SLC26A1: variants seen among roughly 807,000 people sequenced by gnomAD.
The protein encoded by SLC26A1 is solute carrier family 26 member 1.
A neutral mutation model predicts 14.5 loss-of-function variants in SLC26A1; 18 were observed. The ratio of observed to expected loss-of-function variants is 1.24; its 90% confidence interval spans 0.86 to 1.84. The LOEUF is 1.84. Ranked by LOEUF, SLC26A1 falls within the 40% of genes most tolerant of loss-of-function variation. The pLI, the probability that SLC26A1 is intolerant of heterozygous loss-of-function variation, is 0.00. For missense variants in SLC26A1, 1,049 were observed against 1,020.0 expected (o/e 1.03, Z -0.39); for synonymous variants, 505 against 492.0 (o/e 1.03, Z -0.35).
chr4:987,947 C>A lies in SLC26A1; in HGVS notation c.*886G>T. ...ACTGGCTGCTGGAGCTTGTCACCAC[C>A]AGGTGGGCGGCGGGCAGGGTCTGGG... On this transcript the variant is annotated 3_prime_UTR_variant, in exon 3 of 3. Coordinates refer to ENST00000398516, the MANE Select transcript of SLC26A1 (RefSeq NM_022042.4). The A allele has an allele frequency of 3.2e-6, 5 of 1,575,726 alleles. No individual in the cohort carries two copies. The highest frequency in any genetic ancestry group is 4.3e-6 in the Non-Finnish European group (5 of 1,160,870).
At chr4:980,956 C>G (rs900951805) in intron 2 of SLC26A1, among the ~76,000 whole-genome samples, 1 of 152,160 alleles carries the variant, frequency 6.6e-6, no homozygotes, top group Non-Finnish European at 1.5e-5. Flanking sequence ...GGGTGCCTCA[C>G]GGCGGGTTTT....
chr4:979,345 G>C lies in SLC26A1; in HGVS notation c.*61C>G, dbSNP rs560994508. ...AATAAGCTGTATCCACCGGCTTCTC[G>C]TGAGGCTGGTGTGAGGGTCCCGCAT... is the stretch of plus-strand genomic sequence containing the variant. On this transcript the variant is annotated 3_prime_UTR_variant, in exon 3 of 3. Coordinates refer to the SLC26A1 transcript ENST00000398520. 120 of 977,064 alleles carry C rather than the reference G, an allele frequency of 1.2e-4. No individual in the cohort carries two copies. The Middle Eastern group carries it at 2.7e-3, about 22-fold the overall frequency. 60.5% of individuals were successfully genotyped at this position (977,064 alleles called of 1,614,324 possible).
chr4:991,748 G>T lies in SLC26A1; in HGVS notation c.-27-18C>A. ...TGGCCGACCTGCGGCCGAGAAGAGG[G>T]CATGGTCACAGGAGCCCCCGGATCC... is the stretch of plus-strand genomic sequence containing the variant. On this transcript the variant is annotated intron_variant, in intron 1 of 2. Transcript: ENST00000398516. 6.5e-7 allele frequency: 1 copy of T among 1,532,338 alleles called. No individual in the cohort carries two copies. Among genetic ancestry groups the T allele is most frequent in the Non-Finnish European group, 8.7e-7 (1 of 1,145,374 alleles). 94.9% of individuals were successfully genotyped at this position (1,532,338 alleles called of 1,614,324 possible).
At chr4:980,172 C>T (rs111675180) in intron 2 of SLC26A1, among the ~76,000 whole-genome samples, 33 of 152,308 alleles carry the variant, frequency 2.2e-4, no homozygotes, top group African/African-American at 6.3e-4. Context: ...GCCAGGACCT[C>T]GCCCTGGGGT....
rs542658522 is a variant in SLC26A1, at chr4:989,090, C to G, written c.1849G>C (p.Ala617Pro). The G allele has an allele frequency of 1.9e-6, 3 of 1,599,296 alleles. No homozygotes were observed. The Admixed American group carries it at 5.1e-5, about 27-fold the overall frequency. Reference protein sequence around the residue: ...AGFHTVVIDCAPLLFLDAAGV... With the variant: ...AGFHTVVIDCPPLLFLDAAGV... ...GCTGCGTCTAGGAACAGCAGCGGGG[C>G]GCAGTCGATGACCACTGTGTGGAAG... The change falls in exon 3 of 3, where the codon GCC (alanine) becomes CCC (proline). Residue 617 changes from alanine to proline, a missense_variant. Physicochemically the swap from Ala to Pro is conservative, Grantham distance 27. Coordinates refer to ENST00000398516, the MANE Select transcript of SLC26A1 (RefSeq NM_022042.4).
rs759849461 is a variant in SLC26A1, at chr4:988,801, G to A, written c.*32C>T. 116 of 1,513,562 alleles carry A rather than the reference G, an allele frequency of 7.7e-5. No homozygotes were observed. Among genetic ancestry groups the A allele is most frequent in the Non-Finnish European group, 9.8e-5 (111 of 1,130,416 alleles). The allele number at this position is 1,513,562 out of a possible 1,614,324, so 93.8% of individuals were successfully genotyped here. On this transcript the variant is annotated 3_prime_UTR_variant, in exon 3 of 3. Transcript: ENST00000398516. ...GACGTCTGCTGTGGGTCCCCAGGAG[G>A]GAGCAGAGGCTGCTGGGCAGGCCTG...
Position 989,714 on chromosome 4 carries a change from C to T in SLC26A1, c.1225G>A (p.Gly409Ser), listed in dbSNP as rs747534272. The T allele has an allele frequency of 1.0e-5, 16 of 1,558,694 alleles. No homozygotes were observed. Among genetic ancestry groups the T allele is most frequent in the Admixed American group, 1.9e-5 (1 of 51,638 alleles). ...ACGCTGGACAGCTGTGTCCGGCAGC[C>T]AGTGGCTGTCTTCACCAGGCTCTTG... Reference protein sequence around the residue: ...LAKSLVKTATGCRTQLSSVVS... With the variant: ...LAKSLVKTATSCRTQLSSVVS... The change falls in exon 3 of 3, where the codon GGC (glycine) becomes AGC (serine). Residue 409 changes from glycine (G) to serine (S), a missense_variant. By Grantham distance (56) the Gly-to-Ser change is moderately conservative (BLOSUM62 0). Transcript: ENST00000398516.
At chr4:987,466 C>T (rs1401998052), downstream of SLC26A1, among the ~76,000 whole-genome samples, 1 of 152,212 alleles carries the variant, frequency 6.6e-6, no homozygotes, top group Non-Finnish European at 1.5e-5. Context: ...GCCCGGGATC[C>T]TGCTCTTTGA....
In SLC26A1 at chr4:988,437, G is replaced by A. The variant is rs1713923170; in HGVS notation, c.*396C>T. ...CCAGAGCCGCTGGCTCCTACCAGCA[G>A]GGTGGGCACCGGGCAGGCCTGGGCA... On this transcript the variant is annotated 3_prime_UTR_variant, in exon 3 of 3. Coordinates refer to ENST00000398516, the MANE Select transcript of SLC26A1 (RefSeq NM_022042.4). 1.9e-6 allele frequency: 2 copies of A among 1,072,738 alleles called. No homozygotes were observed. Among genetic ancestry groups the A allele is most frequent in the South Asian group, 3.6e-5 (1 of 27,950 alleles). 66.5% of individuals were successfully genotyped at this position (1,072,738 alleles called of 1,614,324 possible). A position where few individuals can be genotyped will look rare whatever the true frequency, so the allele number is the denominator to read the frequency against.
At position 988,923 on chromosome 4, in the gene SLC26A1, C is replaced by T; in HGVS notation, c.2016G>A (p.Glu672=). The change falls in exon 3 of 3, where the codon GAG becomes GAA. Residue 672 remains glutamate, a synonymous_variant. Transcript: ENST00000398516. ...FLGEGPGDTA[E]EEQLFLSVHD... ...GCACACTGAGGAACAGCTGCTCCTCCTCAGCCGTGTCCCCGGGGCCCTCCC... is the reference window on the plus strand; with the variant it reads ...GCACACTGAGGAACAGCTGCTCCTCTTCAGCCGTGTCCCCGGGGCCCTCCC... 6.2e-7 allele frequency: 1 copy of T among 1,603,186 alleles called. No individual in the cohort carries two copies. The highest frequency in any genetic ancestry group is 8.5e-7 in the Non-Finnish European group (1 of 1,175,810).
At chr4:984,376 A>C (rs116740858), downstream of SLC26A1, among the ~76,000 whole-genome samples, 792 of 152,308 alleles carry the variant, frequency 5.2e-3, 7 homozygotes, top group African/African-American at 0.018. Flanking sequence ...CTTTTATCTC[A>C]GTCTCTGTAT....
Position 988,501 on chromosome 4 carries a change from CG to C in SLC26A1, c.*331del. On this transcript the variant is annotated 3_prime_UTR_variant, in exon 3 of 3. Transcript: ENST00000398516. ...TGGCACCTTGGAGGCTGCATGATGG[CG>C]GGGGACCCTTGTTCAAATAAGATGT... The C allele has an allele frequency of 8.7e-7, 1 of 1,145,540 alleles. No homozygotes were observed. The highest frequency in any genetic ancestry group is 1.1e-6 in the Non-Finnish European group (1 of 930,632). The allele number at this position is 1,145,540 out of a possible 1,614,324, so 71.0% of individuals were successfully genotyped here.
chr4:992,180 G>A, intron 1 of SLC26A1: 1 of 462,372 alleles, frequency 2.2e-6, no homozygotes, highest in Non-Finnish European at 4.3e-6. Context: ...GGACACAGGT[G>A]CAGGCAAGCC....
At chr4:990,459 C>T in intron 2 of SLC26A1, 97 bp from the exon 3 acceptor site, 1 of 1,179,394 alleles carries the variant, frequency 8.5e-7, no homozygotes, top group South Asian at 1.6e-5. Context: ...GGTCACGGCA[C>T]AGGACCTGAC....
chr4:990,217 C>G lies in SLC26A1; in HGVS notation c.722G>C (p.Gly241Ala). The G allele has an allele frequency of 6.4e-7, 1 of 1,566,246 alleles. No individual in the cohort carries two copies. The highest frequency in any genetic ancestry group is 8.6e-7 in the Non-Finnish European group (1 of 1,156,282). Residue 241 changes from glycine (G) to alanine (A), a missense_variant, in exon 3 of 3, where the codon GGG becomes GCG. Gly to Ala is a moderately conservative substitution (Grantham distance 60, BLOSUM62 0). Transcript: ENST00000398516. ...LLGVRIPRHQ[G>A]PGMVVLTWLS... ...CCATGTGAGGACCACCATGCCGGGC[C>G]CCTGGTGCCGCGGGATCCGCACGCC...
chr4:988,661 A>T lies in SLC26A1; in HGVS notation c.*172T>A. 2 of 1,411,478 alleles carry T rather than the reference A, an allele frequency of 1.4e-6. No homozygotes were observed. 87.4% of individuals were successfully genotyped at this position (1,411,478 alleles called of 1,614,324 possible). A position where few individuals can be genotyped will look rare whatever the true frequency, so the allele number is the denominator to read the frequency against. ...TCTGAGTGTTTGGGTCCTGCGTGTG[A>T]TCAGAGGGCCTCCTTTCCCAGTTGG... is the stretch of plus-strand genomic sequence containing the variant. On this transcript the variant is annotated 3_prime_UTR_variant, in exon 3 of 3. Coordinates refer to ENST00000398516, the MANE Select transcript of SLC26A1 (RefSeq NM_022042.4).
intron 1 of SLC26A1, chr4:992,116 C>G: frequency 2.0e-6 from 1 of 495,136 alleles, no homozygotes; most frequent in South Asian, 1.5e-5. Context: ...GGGGCAGGAA[C>G]AGGCTGGGCT....
At position 989,691 on chromosome 4, in the gene SLC26A1, G is replaced by C; in HGVS notation, c.1248C>G (p.Ser416Arg). 1 of 1,562,716 alleles carries C rather than the reference G, an allele frequency of 6.4e-7. No homozygotes were observed. Among genetic ancestry groups the C allele is most frequent in the Non-Finnish European group, 8.7e-7 (1 of 1,154,346 alleles). The change falls in exon 3 of 3, where the codon AGC becomes AGG. Residue 416 changes from serine to arginine, a missense_variant. Coordinates refer to ENST00000398516, the MANE Select transcript of SLC26A1 (RefSeq NM_022042.4). ...TATGCRTQLS[S>R]VVSATVVLLV... Reference sequence around the variant, plus strand: ...GCAGCACCACGGTGGCGCTGACCACGCTGGACAGCTGTGTCCGGCAGCCAG... The same window carrying C: ...GCAGCACCACGGTGGCGCTGACCACCCTGGACAGCTGTGTCCGGCAGCCAG...
chr4:979,159 C>T (rs1713461777), exon 3 of SLC26A1: 1 of 376,058 alleles, frequency 2.7e-6, no homozygotes, highest in Admixed American at 4.5e-5. Context: ...TAAAAGTGTG[C>T]TTTGCTTTAC....
Sources: gnomAD v4.1 joint callset for allele counts (sites outside exome capture counted in the v4.1 genomes callset) on GRCh38, gnomAD v4.1.1 for gene constraint, MANE v1.5 for transcripts, NCBI Gene and HGNC (gene_info 2026-07-23, HGNC 2026-07-21) for gene names.